VAMP3: variants seen among roughly 807,000 people sequenced by gnomAD.
VAMP3 encodes vesicle-associated membrane protein 3.
In VAMP3, 11 loss-of-function variants were observed where a neutral mutation model predicts 18.1. The ratio of observed to expected loss-of-function variants is 0.61; its 90% confidence interval spans 0.38 to 1.00. VAMP3 has a LOEUF of 1.00. VAMP3 is among the 50% of genes least tolerant of loss of function. The pLI is 0.01. For missense variants in VAMP3, 122 were observed against 127.3 expected, an observed-to-expected ratio of 0.96 and a Z score of 0.20; for synonymous variants, 49 against 43.1, an observed-to-expected ratio of 1.14 and a Z score of -0.53.
At chr1:7,773,216 T>G in intron 1 of VAMP3, 2 of 534,884 alleles carry the variant, frequency 3.7e-6, no homozygotes, top group Non-Finnish European at 6.8e-6. Flanking sequence ...CTATTAAAGC[T>G]TAACATTTGT....
At chr1:7,778,068 C>T (rs1469702505) in intron 3 of VAMP3, 50 bp from the exon 4 acceptor site, 4 of 1,588,738 alleles carry the variant, frequency 2.5e-6, no homozygotes, top group Non-Finnish European at 3.5e-6. Context: ...CTTCAACAAG[C>T]ACATTATGTC....
intron 4 of VAMP3, among the ~76,000 whole-genome samples, chr1:7,779,054 G>T (rs907472946): frequency 6.6e-6 from 1 of 152,148 alleles, no homozygotes; most frequent in Middle Eastern, 3.2e-3. Context: ...AATTAGCCGG[G>T]TGTGGTCGCG....
chr1:7,771,644 C>G (rs1268688138), intron 1 of VAMP3, among the ~76,000 whole-genome samples: 1 of 152,202 alleles, frequency 6.6e-6, no homozygotes, highest in Non-Finnish European at 1.5e-5. Flanking sequence ...GTGAGCTGCC[C>G]GCCCGCAGCC....
At chr1:7,778,612 A>G (rs549515712) in intron 4 of VAMP3, among the ~76,000 whole-genome samples, 41 of 152,050 alleles carry the variant, frequency 2.7e-4, no homozygotes, top group Non-Finnish European at 5.3e-4. Context: ...TGAGTTTTGT[A>G]TAAGTCTGAG....
chr1:7,773,850 CT>C (rs1344525057), intron 2 of VAMP3, among the ~76,000 whole-genome samples: 1 of 152,204 alleles, frequency 6.6e-6, no homozygotes, highest in Non-Finnish European at 1.5e-5. Context: ...AGGATTAGGT[CT>C]TTAGATTGCT....
At chr1:7,777,744 C>G (rs183439088) in intron 3 of VAMP3, among the ~76,000 whole-genome samples, 8 of 152,180 alleles carry the variant, frequency 5.3e-5, no homozygotes, top group Non-Finnish European at 7.3e-5. Context: ...CCCAGGAGCA[C>G]GAGCCAAAGC....
At chr1:7,775,521 G>A (rs538021846) in intron 2 of VAMP3, among the ~76,000 whole-genome samples, 66 of 152,070 alleles carry the variant, frequency 4.3e-4, no homozygotes, top group African/African-American at 1.5e-3. Flanking sequence ...CTAATTTTTT[G>A]TATTTTTAGT....
intron 4 of VAMP3, 61 bp downstream of exon 4, chr1:7,778,230 A>AT: frequency 6.3e-7 from 1 of 1,582,908 alleles, no homozygotes; most frequent in African/African-American, 1.3e-5. Context: ...CAGACCATTG[A>AT]TTTTGTGTAC....
At chr1:7,773,581 A>G (rs1407884510) in intron 2 of VAMP3, 70 bp downstream of exon 2, 9 of 1,425,154 alleles carry the variant, frequency 6.3e-6, no homozygotes, top group Non-Finnish European at 7.8e-6. Flanking sequence ...TGTTTAGAAA[A>G]AGTATCATCA....
chr1:7,779,588 T>G (rs2097056047), intron 4 of VAMP3, 38 bp from the exon 5 acceptor site: 2 of 1,614,118 alleles, frequency 1.2e-6, no homozygotes, highest in Non-Finnish European at 1.7e-6. Flanking sequence ...ACTAACCTGC[T>G]GTTTCCCCTG....
chr1:7,779,244 G>T (rs1577566652), intron 4 of VAMP3, among the ~76,000 whole-genome samples: 1 of 152,012 alleles, frequency 6.6e-6, no homozygotes, highest in East Asian at 1.9e-4. Context: ...TTGGTGCCTG[G>T]CATATAATAA....
chr1:7,774,424 C>G (rs533063726), intron 2 of VAMP3, among the ~76,000 whole-genome samples: 1 of 151,908 alleles, frequency 6.6e-6, no homozygotes, highest in Non-Finnish European at 1.5e-5. Flanking sequence ...CCATAACATA[C>G]AACTAAACAT....
chr1:7,779,785 G>A lies in VAMP3; in HGVS notation c.*140G>A, dbSNP rs562590445. Reference sequence around the variant, plus strand: ...ATGTAAAGTTGAATTTCTAGGAAACGTGCCTTTGTTTTTTAATATGCACTC... The same window carrying A: ...ATGTAAAGTTGAATTTCTAGGAAACATGCCTTTGTTTTTTAATATGCACTC... On this transcript the variant is annotated 3_prime_UTR_variant, in exon 5 of 5. Transcript: ENST00000054666. 5.9e-6 allele frequency: 7 copies of A among 1,193,992 alleles called. No homozygotes were observed. The African/African-American group carries it at 6.1e-5, about 10-fold the overall frequency. The allele number at this position is 1,193,992 out of a possible 1,614,324, so 74.0% of individuals were successfully genotyped here. A position where few individuals can be genotyped will look rare whatever the true frequency, so the allele number is the denominator to read the frequency against.
intron 1 of VAMP3, among the ~76,000 whole-genome samples, chr1:7,771,770 C>T (rs1020351688): frequency 1.3e-5 from 2 of 152,242 alleles, no homozygotes; most frequent in African/African-American, 4.8e-5. Flanking sequence ...CCAGAAGTTG[C>T]GAAAGAAAGG....
rs897747230 is a variant in VAMP3, at chr1:7,780,391, A to G, written c.*746A>G. On this transcript the variant is annotated 3_prime_UTR_variant, in exon 5 of 5. Transcript: ENST00000054666. ...GACAGTTAAATTCAGAAACGTGCCA[A>G]ATGGAACTCAAGGTGCCCCTTCAGA... is the stretch of plus-strand genomic sequence containing the variant. The G allele has an allele frequency of 6.5e-6, 1 of 152,836 alleles. No homozygotes were observed. The highest frequency in any genetic ancestry group is 1.5e-5 in the Non-Finnish European group (1 of 68,064). 9.5% of individuals were successfully genotyped at this position (152,836 alleles called of 1,614,324 possible). A position where few individuals can be genotyped will look rare whatever the true frequency, so the allele number is the denominator to read the frequency against.
chr1:7,771,380 C>A lies in VAMP3; in HGVS notation c.-4C>A. ...TCGCCGCTGCCGCCGCCGCAGCTGCCAAAATGTGAGTGACGCTACGCGACG... is the reference window on the plus strand; with the variant it reads ...TCGCCGCTGCCGCCGCCGCAGCTGCAAAAATGTGAGTGACGCTACGCGACG... On this transcript the variant is annotated 5_prime_UTR_variant, in exon 1 of 5. Coordinates refer to ENST00000054666, the MANE Select transcript of VAMP3 (RefSeq NM_004781.4). The A allele has an allele frequency of 6.3e-7, 1 of 1,592,550 alleles. No individual in the cohort carries two copies.
Position 7,773,486 on chromosome 1 carries a change from A to G in VAMP3, c.47A>G (p.Gln16Arg). 2 of 1,614,168 alleles carry G rather than the reference A, an allele frequency of 1.2e-6. No individual in the cohort carries two copies. Among genetic ancestry groups the G allele is most frequent in the Non-Finnish European group, 8.5e-7 (1 of 1,180,008 alleles). The change falls in exon 2 of 5, where the codon CAG (glutamine) becomes CGG (arginine). Residue 16 changes from glutamine to arginine, a missense_variant. Transcript: ENST00000054666. ...GCCACTGGCAGTAATCGAAGACTTC[A>G]GCAGACACAAAATCAAGTAGATGAG... ...TAATGSNRRL[Q>R]QTQNQVDEVV...
chr1:7,771,302 C>G lies in VAMP3; in HGVS notation c.-82C>G. 6.4e-7 allele frequency: 1 copy of G among 1,559,908 alleles called. No individual in the cohort carries two copies. The highest frequency in any genetic ancestry group is 2.5e-5 in the East Asian group (1 of 40,172). On this transcript the variant is annotated 5_prime_UTR_variant, in exon 1 of 5. Coordinates refer to ENST00000054666, the MANE Select transcript of VAMP3 (RefSeq NM_004781.4). Reference sequence around the variant, plus strand: ...CTTTGCCCCGCGCCGCGCCGTCCCACCCATCTCCCTGGCCTCCGGTCCCAA... The same window carrying G: ...CTTTGCCCCGCGCCGCGCCGTCCCAGCCATCTCCCTGGCCTCCGGTCCCAA...
At chr1:7,772,867 C>G (rs2097051958) in intron 1 of VAMP3, 1 of 152,692 alleles carries the variant, frequency 6.5e-6, no homozygotes, top group African/African-American at 2.4e-5. Context: ...CCAGCCCGGG[C>G]AACAGGAGCG....
Sources: gnomAD v4.1 joint callset for allele counts (sites outside exome capture counted in the v4.1 genomes callset) on GRCh38, gnomAD v4.1.1 for gene constraint, MANE v1.5 for transcripts, NCBI Gene and HGNC (gene_info 2026-07-23, HGNC 2026-07-21) for gene names.